The following DENND2C variants were observed in gnomAD, a reference collection of about 807,000 sequenced individuals.
DENND2C encodes the protein DENN domain-containing protein 2C.
DENND2C carries 72 observed loss-of-function variants against 112.4 expected under a neutral mutation model. That is an observed-to-expected ratio of 0.64 (90% CI 0.53 to 0.78). The LOEUF is 0.78. DENND2C is among the 30% of genes least tolerant of loss of function. The probability of loss-of-function intolerance (pLI) is 0.00; values close to 1 mark genes in which losing one functional copy is unlikely to be tolerated. For synonymous variants in DENND2C, 329 were observed against 381.6 expected, an observed-to-expected ratio of 0.86 and a Z score of 1.61; for missense variants, 992 against 1,113.8, an observed-to-expected ratio of 0.89 and a Z score of 1.56.
At chr1:114,644,880 T>C (rs1656935728) in intron 3 of DENND2C, among the ~76,000 whole-genome samples, 1 of 152,152 alleles carries the variant, frequency 6.6e-6, no homozygotes, top group Non-Finnish European at 1.5e-5. Context: ...AGAAAATAAT[T>C]GATTTATATG....
chr1:114,601,733 A>C (rs899024597), intron 12 of DENND2C, 148 bp from the exon 13 acceptor site: 43 of 697,660 alleles, frequency 6.2e-5, no homozygotes, highest in African/African-American at 3.1e-4. Flanking sequence ...AAGATGTGAA[A>C]AGTGCTAAAA....
At chr1:114,638,909 G>A (rs1415114914) in intron 3 of DENND2C, among the ~76,000 whole-genome samples, 1 of 151,930 alleles carries the variant, frequency 6.6e-6, no homozygotes, top group Non-Finnish European at 1.5e-5. Flanking sequence ...TAAATGGCAA[G>A]CCACAGACTG....
intron 18 of DENND2C, among the ~76,000 whole-genome samples, chr1:114,588,977 T>C (rs994875880): frequency 6.6e-6 from 1 of 152,200 alleles, no homozygotes; most frequent in Non-Finnish European, 1.5e-5. Flanking sequence ...CTGTATTAAG[T>C]GCTTCTACAA....
intron 7 of DENND2C, among the ~76,000 whole-genome samples, chr1:114,619,204 A>T (rs1570778042): frequency 6.6e-6 from 1 of 152,192 alleles, no homozygotes; most frequent in East Asian, 1.9e-4. Flanking sequence ...AACAGACAGG[A>T]GACACACACA....
At position 114,629,608 on chromosome 1, in the gene DENND2C, A is replaced by T. The variant is rs995343852; in HGVS notation, c.-204-3420T>A. Among the ~76,000 whole-genome samples, 3 of 152,336 alleles carry T rather than the reference A, an allele frequency of 2.0e-5. No homozygotes were observed. In the South Asian group the frequency reaches 6.2e-4, roughly 32 times the overall value. ...ATGATTTTTAGAAGCATAATCAAAC[A>T]GCATACTTGGAGATGACTCTTAATC... is the stretch of plus-strand genomic sequence containing the variant. On this transcript the variant is annotated intron_variant, in intron 3 of 20. Coordinates refer to ENST00000393274, the MANE Select transcript of DENND2C (RefSeq NM_001256404.2).
In DENND2C at chr1:114,663,788, T is replaced by C. The variant is rs191092053; in HGVS notation, c.-574+6195A>G. 3.9e-5 allele frequency among the ~76,000 whole-genome samples: 6 copies of C among 152,340 alleles called. No homozygotes were observed. The East Asian group carries it at 1.2e-3, about 29-fold the overall frequency. On this transcript the variant is annotated intron_variant, in intron 1 of 20. Coordinates refer to ENST00000393274, the MANE Select transcript of DENND2C (RefSeq NM_001256404.2). ...TAAATAAAGTTTTATTGGAACACAG[T>C]CCATGCTTATTCATTGAAGCGTTGT... is the stretch of plus-strand genomic sequence containing the variant.
rs1352136169 is a variant in DENND2C at position 114,594,383 on chromosome 1, T to TA, written c.2431+89_2431+90insT. The TA allele has an allele frequency of 4.8e-6, 5 of 1,051,980 alleles. No homozygotes were observed. In the African/African-American group the frequency reaches 8.0e-5, roughly 17 times the overall value. The allele number at this position is 1,051,980 out of a possible 1,614,324, so 65.2% of individuals were successfully genotyped here. A position where few individuals can be genotyped will look rare whatever the true frequency, so the allele number is the denominator to read the frequency against. On this transcript the variant is annotated intron_variant, in intron 18 of 20. Coordinates refer to ENST00000393274, the MANE Select transcript of DENND2C (RefSeq NM_001256404.2). ...GCGCACAGGCAATCTAATGCTACTT[T>TA]GGTATATCCTTTAACATAGTGCTGG...
At chr1:114,611,931 T>C (rs1443232712) in intron 8 of DENND2C, among the ~76,000 whole-genome samples, 2 of 152,168 alleles carry the variant, frequency 1.3e-5, no homozygotes, top group South Asian at 2.1e-4. Flanking sequence ...AATTTGATTA[T>C]ATAAACTTGT....
rs1029674902 is a variant in DENND2C at position 114,652,943 on chromosome 1, G to A, written c.-317+1562C>T. 2.6e-5 allele frequency among the ~76,000 whole-genome samples: 4 copies of A among 151,500 alleles called. No homozygotes were observed. The East Asian group carries it at 7.7e-4, about 29-fold the overall frequency. On this transcript the variant is annotated intron_variant, in intron 2 of 20. Coordinates refer to ENST00000393274, the MANE Select transcript of DENND2C (RefSeq NM_001256404.2). ...TATACTGTATTGCTTAGGGAACAGTGACAAGCAAAAAAAAGTCCATACGTG... is the reference window on the plus strand; with the variant it reads ...TATACTGTATTGCTTAGGGAACAGTAACAAGCAAAAAAAAGTCCATACGTG...
intron 1 of DENND2C, among the ~76,000 whole-genome samples, chr1:114,663,498 C>G (rs1657555913): frequency 6.6e-6 from 1 of 152,054 alleles, no homozygotes; most frequent in Non-Finnish European, 1.5e-5. Context: ...AAGAAATGTA[C>G]TAGAATTTAA....
intron 1 of DENND2C, among the ~76,000 whole-genome samples, chr1:114,659,942 C>T (rs1007102189): frequency 9.0e-6 from 1 of 111,570 alleles, no homozygotes; most frequent in African/African-American, 3.8e-5. Flanking sequence ...AGGAACACAT[C>T]ACCACGCCTG....
chr1:114,600,175 T>C (rs1358599228), intron 15 of DENND2C, 29 bp downstream of exon 15: 2 of 1,595,834 alleles, frequency 1.3e-6, no homozygotes, highest in Non-Finnish European at 1.7e-6. Context: ...AACACCAGTG[T>C]GAAGTAACAT....
intron 14 of DENND2C, 77 bp from the exon 15 acceptor site, chr1:114,600,429 T>C: frequency 6.4e-7 from 1 of 1,559,476 alleles, no homozygotes; most frequent in African/African-American, 1.4e-5. Flanking sequence ...GATCCTGTTA[T>C]TCTTATATAA....
Position 114,604,929 on chromosome 1 carries a change from G to A in DENND2C, c.1660C>T (p.Leu554Phe). The A allele has an allele frequency of 3.1e-6, 5 of 1,609,734 alleles. No individual in the cohort carries two copies. Among genetic ancestry groups the A allele is most frequent in the Non-Finnish European group, 4.3e-6 (5 of 1,176,426 alleles). The change falls in exon 11 of 21, where the codon CTC becomes TTC. Residue 554 changes from leucine (L) to phenylalanine (F), a missense_variant. Coordinates refer to ENST00000393274, the MANE Select transcript of DENND2C (RefSeq NM_001256404.2). Reference sequence around the variant, plus strand: ...ATAAATTAGCCCATTTACCTCTTGAGTTCTGAGGTTGGCATCCAGTCCTTT... The same window carrying A: ...ATAAATTAGCCCATTTACCTCTTGAATTCTGAGGTTGGCATCCAGTCCTTT... ...DSKDWMPTSE[L>F]KSETFSFVLT...
intron 2 of DENND2C, among the ~76,000 whole-genome samples, 175 bp downstream of exon 2, chr1:114,654,330 G>C (rs920037292): frequency 1.3e-5 from 2 of 152,142 alleles, no homozygotes; most frequent in African/African-American, 4.8e-5. Context: ...TACTCAGGAG[G>C]CTGAGGCAGG....
intron 18 of DENND2C, among the ~76,000 whole-genome samples, chr1:114,590,047 T>C (rs1434881605): frequency 1.3e-5 from 2 of 152,216 alleles, no homozygotes; most frequent in African/African-American, 4.8e-5. Flanking sequence ...GTATACAAAA[T>C]ATTGTATTCT....
rs748092441 is a variant in DENND2C, at chr1:114,633,644, G to A, written c.-204-7456C>T. Among the ~76,000 whole-genome samples the A allele has an allele frequency of 6.6e-5, 10 of 151,912 alleles. 1 individual carries two copies. Among genetic ancestry groups the A allele is most frequent in the Non-Finnish European group, 1.5e-5 (1 of 67,974 alleles). ...AATGGCTAAGAAGTCAACAAAGAAA[G>A]ATGAAATGGAATTCTAAAAAAATAA... is the stretch of plus-strand genomic sequence containing the variant. On this transcript the variant is annotated intron_variant, in intron 3 of 20. Coordinates refer to ENST00000393274, the MANE Select transcript of DENND2C (RefSeq NM_001256404.2).
At chr1:114,587,282 A>C in intron 20 of DENND2C, 105 bp downstream of exon 20, 1 of 1,295,640 alleles carries the variant, frequency 7.7e-7, no homozygotes, top group Non-Finnish European at 1.1e-6. Context: ...CCTGGCCTCA[A>C]GCAAACCTCC....
At chr1:114,636,733 G>A (rs1656667814) in intron 3 of DENND2C, among the ~76,000 whole-genome samples, 1 of 151,212 alleles carries the variant, frequency 6.6e-6, no homozygotes, top group Non-Finnish European at 1.5e-5. Flanking sequence ...CATAGAGATT[G>A]TAAAAGAAGT....
Sources: gnomAD v4.1 joint callset for allele counts (sites outside exome capture counted in the v4.1 genomes callset) on GRCh38, gnomAD v4.1.1 for gene constraint, MANE v1.5 for transcripts, NCBI Gene and HGNC (gene_info 2026-07-23, HGNC 2026-07-21) for gene names.